Variants in ACSS3 observed in about 807,000 individuals in gnomAD.
ACSS3 encodes acyl-CoA synthetase short-chain family member 3, mitochondrial.
A neutral mutation model predicts 84.2 loss-of-function variants in ACSS3; 64 were observed. That is an observed-to-expected ratio of 0.76 (90% CI 0.62 to 0.94). ACSS3 has a LOEUF of 0.94. Ranked by LOEUF, ACSS3 falls within the 40% of genes least tolerant of loss-of-function variation. ACSS3 has a pLI of 0.00. For synonymous variants in ACSS3, 317 were observed against 310.1 expected (o/e 1.02, Z -0.23); for missense variants, 815 against 867.6 (o/e 0.94, Z 0.76).
At chr12:81,151,657 A>C (rs1886614929) in intron 5 of ACSS3, 187 bp from the exon 6 acceptor site, 2 of 504,970 alleles carry the variant, frequency 4.0e-6, no homozygotes, top group South Asian at 3.2e-5. Context: ...AGGACAAATT[A>C]TTTTGTGTTG....
chr12:81,084,046 G>T (rs1881164453), intron 1 of ACSS3, among the ~76,000 whole-genome samples: 1 of 152,168 alleles, frequency 6.6e-6, no homozygotes, highest in Admixed American at 6.5e-5. Flanking sequence ...GGCTGGAACT[G>T]AGCAGCTGCT....
chr12:81,252,571 T>C (rs1181288004), intron 13 of ACSS3, among the ~76,000 whole-genome samples: 2 of 152,014 alleles, frequency 1.3e-5, no homozygotes, highest in Non-Finnish European at 2.9e-5. Context: ...GAAAAAAAAT[T>C]TTGAATATGC....
Position 81,146,764 on chromosome 12 carries a change from A to G in ACSS3, c.921+3517A>G, listed in dbSNP as rs901303681. ...ATAGTTCAAAGCACTACATGATAAA[A>G]GAATCCCTCATCTGGATCAGATGTC... On this transcript the variant is annotated intron_variant, in intron 5 of 15. Coordinates refer to ENST00000548058, the MANE Select transcript of ACSS3 (RefSeq NM_024560.4). Among the ~76,000 whole-genome samples the G allele has an allele frequency of 2.6e-5, 4 of 152,322 alleles. No homozygotes were observed. In the South Asian group the frequency reaches 8.3e-4, roughly 32 times the overall value.
intron 13 of ACSS3, among the ~76,000 whole-genome samples, chr12:81,236,629 A>C (rs2033639056): frequency 6.6e-6 from 1 of 151,452 alleles, no homozygotes; most frequent in South Asian, 2.1e-4. Flanking sequence ...TTTACATTTA[A>C]TTATTGATAT....
intron 2 of ACSS3, among the ~76,000 whole-genome samples, chr12:81,129,210 G>A (rs1349902117): frequency 6.6e-6 from 1 of 152,114 alleles, no homozygotes; most frequent in Non-Finnish European, 1.5e-5. Flanking sequence ...CTACAGAAGA[G>A]GGTGGATGGG....
intron 2 of ACSS3, among the ~76,000 whole-genome samples, chr12:81,109,973 G>A (rs1883438548): frequency 6.6e-6 from 1 of 152,026 alleles, no homozygotes; most frequent in African/African-American, 2.4e-5. Flanking sequence ...CTCTTCCTCT[G>A]GTCTTTACTC....
rs1013913366 is a variant in ACSS3, at chr12:81,078,353, G to A, written c.233G>A (p.Gly78Asp). 3.1e-6 allele frequency: 5 copies of A among 1,612,692 alleles called. No homozygotes were observed. Among genetic ancestry groups the A allele is most frequent in the Non-Finnish European group, 4.2e-6 (5 of 1,179,984 alleles). ...ASVTDPERFW[G>D]KAAEQISWYK... is the part of the protein sequence containing the mutation. ...GTGACCGACCCCGAGAGGTTCTGGG[G>A]CAAAGCTGCCGAGCAGATCAGCTGG... The change falls in exon 1 of 16, where the codon GGC becomes GAC. Residue 78 changes from glycine to aspartate, a missense_variant. Gly to Asp is a moderately conservative substitution (Grantham distance 94). Transcript: ENST00000548058.
At chr12:81,179,290 G>GAAAAAAAAAAAAAAAAAAAA (rs2030737502) in intron 8 of ACSS3, among the ~76,000 whole-genome samples, 1 of 95,020 alleles carries the variant, frequency 1.1e-5, no homozygotes, top group African/African-American at 4.0e-5. Context: ...AAAAAAAAAA[G>GAAAAAAAAAAAAAAAAAAAA]AAAAAGAAAA....
intron 1 of ACSS3, among the ~76,000 whole-genome samples, chr12:81,099,856 A>G (rs1171219171): frequency 6.6e-6 from 1 of 152,182 alleles, no homozygotes; most frequent in African/African-American, 2.4e-5. Flanking sequence ...GAAGAGAAGA[A>G]TCATGTAAAC....
At chr12:81,170,200 C>T (rs1024074836) in intron 7 of ACSS3, among the ~76,000 whole-genome samples, 10 of 152,092 alleles carry the variant, frequency 6.6e-5, no homozygotes, top group African/African-American at 2.4e-4. Context: ...GGTTGTATTT[C>T]ACTGCTTTCC....
chr12:81,146,964 C>A (rs1244087475), intron 5 of ACSS3, among the ~76,000 whole-genome samples: 1 of 151,866 alleles, frequency 6.6e-6, no homozygotes, highest in African/African-American at 2.4e-5. Flanking sequence ...GTAGATAAGG[C>A]CTTTTGTCCT....
chr12:81,214,328 C>A (rs1366460880), intron 9 of ACSS3, among the ~76,000 whole-genome samples: 2 of 152,010 alleles, frequency 1.3e-5, no homozygotes, highest in Admixed American at 1.3e-4. Context: ...GCCCAGCCAG[C>A]AATAGTTCTT....
intron 8 of ACSS3, among the ~76,000 whole-genome samples, chr12:81,188,961 A>G (rs2031425326): frequency 6.6e-6 from 1 of 152,012 alleles, no homozygotes; most frequent in African/African-American, 2.4e-5. Context: ...AGCATTTTTC[A>G]AAAAGAATAT....
chr12:81,229,250 C>G (rs1054238737), intron 11 of ACSS3, among the ~76,000 whole-genome samples: 1 of 151,700 alleles, frequency 6.6e-6, no homozygotes, highest in Non-Finnish European at 1.5e-5. Flanking sequence ...AAAATTGTCT[C>G]TTATTTAATA....
chr12:81,109,493 T>C (rs1883385163), intron 1 of ACSS3, 67 bp from the exon 2 acceptor site: 1 of 1,529,098 alleles, frequency 6.5e-7, no homozygotes, highest in Non-Finnish European at 8.8e-7. Flanking sequence ...AGAAATATAA[T>C]AACTTCATTA....
chr12:81,249,394 T>C (rs893984215), intron 13 of ACSS3, among the ~76,000 whole-genome samples: 1 of 152,056 alleles, frequency 6.6e-6, no homozygotes, highest in East Asian at 1.9e-4. Context: ...ATAATCCCAC[T>C]AATATTTGTG....
rs1188049803 is a variant in ACSS3, at chr12:81,095,577, A to G, written c.312-13983A>G. ...AATTTACTGTCAGGCATGACTCACA[A>G]CCGGAGAATCTTTAAGATCATTCAT... On this transcript the variant is annotated intron_variant, in intron 1 of 15. Transcript: ENST00000548058. Among the ~76,000 whole-genome samples the G allele has an allele frequency of 2.0e-5, 3 of 152,170 alleles. No individual in the cohort carries two copies. In the South Asian group the frequency reaches 6.2e-4, roughly 32 times the overall value.
chr12:81,104,576 C>G lies in ACSS3; in HGVS notation c.312-4984C>G, dbSNP rs563410067. 3.9e-5 allele frequency among the ~76,000 whole-genome samples: 6 copies of G among 152,050 alleles called. No individual in the cohort carries two copies. The East Asian group carries it at 9.7e-4, about 25-fold the overall frequency. ...GCTAAGGTAAGGAGGTAAGAAGGTC[C>G]TCCCACCCAGCCATGTGGGAGGACA... On this transcript the variant is annotated intron_variant, in intron 1 of 15. Coordinates refer to ENST00000548058, the MANE Select transcript of ACSS3 (RefSeq NM_024560.4).
rs2034286579 is a variant in ACSS3, at chr12:81,256,128, A to C, written c.*1206A>C. The C allele has an allele frequency of 6.6e-6, 1 of 152,182 alleles. No individual in the cohort carries two copies. The highest frequency in any genetic ancestry group is 2.1e-4 in the South Asian group (1 of 4,832). 9.4% of individuals were successfully genotyped at this position (152,182 alleles called of 1,614,324 possible). A position where few individuals can be genotyped will look rare whatever the true frequency, so the allele number is the denominator to read the frequency against. ...AGGTTTGAGGGACAAAGGACAGTAG[A>C]AAATGGTGAAGACTGCAGATCACCT... On this transcript the variant is annotated 3_prime_UTR_variant, in exon 16 of 16. Coordinates refer to ENST00000548058, the MANE Select transcript of ACSS3 (RefSeq NM_024560.4).
Sources: gnomAD v4.1 joint callset for allele counts (sites outside exome capture counted in the v4.1 genomes callset) on GRCh38, gnomAD v4.1.1 for gene constraint, MANE v1.5 for transcripts, NCBI Gene and HGNC (gene_info 2026-07-23, HGNC 2026-07-21) for gene names.